Variants in AIRE observed in about 807,000 individuals in gnomAD.
AIRE encodes the protein autoimmune regulator, also known as autoimmune polyendocrinopathy candidiasis ectodermal dystrophy protein.
Under a neutral mutation model 62.1 loss-of-function variants are expected in AIRE, and 52 were observed. That is an observed-to-expected ratio of 0.84 (90% CI 0.67 to 1.06). AIRE has a LOEUF of 1.06. Ranked by LOEUF, AIRE falls within the 50% of genes least tolerant of loss-of-function variation. AIRE has a pLI of 0.00. For synonymous variants in AIRE, 342 were observed against 321.6 expected (o/e 1.06, Z -0.68); for missense variants, 774 against 755.8 (o/e 1.02, Z -0.28).
At chr21:44,288,318 G>GAC (rs763047196) in intron 4 of AIRE, 27 bp from the exon 5 acceptor site, 7 of 1,519,984 alleles carry the variant, frequency 4.6e-6, no homozygotes, top group Non-Finnish European at 5.5e-6. Flanking sequence ...CCCCACGGGT[G>GAC]ACCCCAATGG....
intron 7 of AIRE, chr21:44,290,674 C>T: frequency 8.0e-7 from 1 of 1,247,526 alleles, no homozygotes; most frequent in South Asian, 1.3e-5. Context: ...CCTGGGAGAC[C>T]CCTGAAGGCA....
Position 44,293,123 on chromosome 21 carries a change from T to A in AIRE, c.1226T>A (p.Leu409Gln). The A allele has an allele frequency of 6.3e-7, 1 of 1,599,470 alleles. No individual in the cohort carries two copies. The highest frequency in any genetic ancestry group is 8.5e-7 in the Non-Finnish European group (1 of 1,173,882). The change falls in exon 10 of 14, where the codon CTG (leucine) becomes CAG (glutamine). Residue 409 changes from leucine (L) to glutamine (Q), a missense_variant. By Grantham distance (113) the Leu-to-Gln change is moderately radical. Around this residue, in one of 3 missense-constraint regions of AIRE, gnomAD observed 354 missense variants for 296.1 expected, o/e 1.20. Transcript: ENST00000291582. ...APPSAAPLPG[L>Q]DSSALHPLLC... ...CCTTCTGCAGCCCCGCTGCCAGGGC[T>A]GGACTCCTCGGCCCTGCACCCCCTA...
intron 8 of AIRE, among the ~76,000 whole-genome samples, 183 bp from the exon 9 acceptor site, chr21:44,292,119 C>A (rs1016555027): frequency 2.0e-5 from 3 of 152,188 alleles, no homozygotes; most frequent in Non-Finnish European, 4.4e-5. Context: ...GGCCACCCCA[C>A]GAAGGGTAAA....
In AIRE at chr21:44,286,120, C is replaced by A. The variant is rs1192858868; in HGVS notation, c.114C>A (p.Val38=). The A allele has an allele frequency of 1.2e-5, 18 of 1,547,124 alleles. No individual in the cohort carries two copies. The East Asian group carries it at 4.2e-4, about 36-fold the overall frequency. ...LLHALADHDV[V]PEDKFQETLH... ...ACGCGCTGGCTGACCACGACGTGGT[C>A]CCCGAGGACAAGTTTCAGGTGGGCT... is the stretch of plus-strand genomic sequence containing the variant. The change falls in exon 1 of 14, where the codon GTC becomes GTA. Residue 38 remains valine (V), a synonymous_variant. Coordinates refer to ENST00000291582, the MANE Select transcript of AIRE (RefSeq NM_000383.4). This position sits in a 1 kb window ranked among gnomAD's most constrained non-coding sequence, Gnocchi z 6.0.
At position 44,286,140 on chromosome 21, in the gene AIRE, TG is replaced by T. The variant is rs1363113245; in HGVS notation, c.132+5del. On this transcript the variant is annotated splice_donor_region_variant and intron_variant, in intron 1 of 13. Transcript: ENST00000291582. The surrounding 1 kb of genome is among the most constrained non-coding windows in gnomAD (Gnocchi z 6.0). ...GTGGTCCCCGAGGACAAGTTTCAGG[TG>T]GGCTCCCCGCCCGCCCCCCGCTGCC... 1.3e-6 allele frequency: 2 copies of T among 1,546,568 alleles called. No individual in the cohort carries two copies. Among genetic ancestry groups the T allele is most frequent in the Non-Finnish European group, 1.7e-6 (2 of 1,146,408 alleles).
chr21:44,290,664 C>A (rs979905110), intron 7 of AIRE: 18 of 1,197,078 alleles, frequency 1.5e-5, no homozygotes, highest in Non-Finnish European at 1.8e-5. Flanking sequence ...GGAAGTGGTA[C>A]CTGGGAGACC....
At chr21:44,290,521 A>G (rs1364677757) in intron 7 of AIRE, 3 of 892,584 alleles carry the variant, frequency 3.4e-6, no homozygotes, top group Non-Finnish European at 4.0e-6. Context: ...GGGCCCTGGC[A>G]CTTAGCAGTG....
rs200955183 is a variant in AIRE at position 44,286,593 on chromosome 21, C to G, written c.169C>G (p.Gln57Glu). 4.3e-5 allele frequency: 70 copies of G among 1,612,802 alleles called. No individual in the cohort carries two copies. The African/African-American group carries it at 7.5e-4, about 17-fold the overall frequency. Residue 57 changes from glutamine to glutamate, a missense_variant, in exon 2 of 14, where the codon CAG becomes GAG. By Grantham distance (29) the Gln-to-Glu change is conservative. Around this residue, in one of 3 missense-constraint regions of AIRE, gnomAD observed 385 missense variants for 396.0 expected, o/e 0.97. Transcript: ENST00000291582. This position sits in a 1 kb window ranked among gnomAD's most constrained non-coding sequence, Gnocchi z 6.0. ...LHLKEKEGCP[Q>E]AFHALLSWLL... Reference sequence around the variant, plus strand: ...TCTGAAGGAAAAGGAGGGCTGCCCCCAGGCCTTCCACGCCCTCCTGTCCTG... The same window carrying G: ...TCTGAAGGAAAAGGAGGGCTGCCCCGAGGCCTTCCACGCCCTCCTGTCCTG...
rs887262491 is a variant in AIRE at position 44,286,221 on chromosome 21, C to T, written c.132+83C>T. ...CGGGGAAGTTCCAGGAGGACCCCGCCCCTCCAGATCCCCAAGCCCCTCCAG... is the reference window on the plus strand; with the variant it reads ...CGGGGAAGTTCCAGGAGGACCCCGCTCCTCCAGATCCCCAAGCCCCTCCAG... On this transcript the variant is annotated intron_variant, in intron 1 of 13. Coordinates refer to ENST00000291582, the MANE Select transcript of AIRE (RefSeq NM_000383.4). This position sits in a 1 kb window ranked among gnomAD's most constrained non-coding sequence, Gnocchi z 6.0. The T allele has an allele frequency of 3.6e-6, 5 of 1,393,948 alleles. No homozygotes were observed. The highest frequency in any genetic ancestry group is 1.4e-5 in the African/African-American group (1 of 69,038). 86.3% of individuals were successfully genotyped at this position (1,393,948 alleles called of 1,614,324 possible).
rs1451148364 is a variant in AIRE, at chr21:44,298,305, C to A, written c.*578C>A. Reference sequence around the variant, plus strand: ...GAAACACTCACTCCCCATTCCCCTCCCAACCCCTGGCACCCTCCACTCTAC... The same window carrying A: ...GAAACACTCACTCCCCATTCCCCTCACAACCCCTGGCACCCTCCACTCTAC... On this transcript the variant is annotated 3_prime_UTR_variant, in exon 14 of 14. Coordinates refer to ENST00000291582, the MANE Select transcript of AIRE (RefSeq NM_000383.4). 5.7e-6 allele frequency: 1 copy of A among 175,920 alleles called. No individual in the cohort carries two copies. The highest frequency in any genetic ancestry group is 1.6e-4 in the East Asian group (1 of 6,368). 10.9% of individuals were successfully genotyped at this position (175,920 alleles called of 1,614,324 possible).
chr21:44,290,642 G>A, intron 7 of AIRE: 1 of 1,100,676 alleles, frequency 9.1e-7, no homozygotes, highest in Non-Finnish European at 1.2e-6. Context: ...GGCTGTCTGG[G>A]GGGATTCTGG....
chr21:44,290,494 G>A lies in AIRE; in HGVS notation c.879+426G>A, dbSNP rs549719238. ...GTGGGTTACAGATCTTGACCACTTG[G>A]CACCAGGGGCTCTGTGGGGCCCTGG... On this transcript the variant is annotated intron_variant, in intron 7 of 13. Transcript: ENST00000291582. 8 of 957,048 alleles carry A rather than the reference G, an allele frequency of 8.4e-6. No individual in the cohort carries two copies. The South Asian group carries it at 3.9e-4, about 46-fold the overall frequency. 59.3% of individuals were successfully genotyped at this position (957,048 alleles called of 1,614,324 possible).
intron 9 of AIRE, 106 bp from the exon 10 acceptor site, chr21:44,292,887 G>C: frequency 9.7e-7 from 1 of 1,036,020 alleles, no homozygotes; most frequent in Non-Finnish European, 1.5e-6. Flanking sequence ...CCAGGCCTCT[G>C]CCCCCACCCT....
In AIRE at chr21:44,286,027, A is replaced by G. The variant is rs1347611962; in HGVS notation, c.21A>G (p.Leu7=). The part of the protein sequence containing the change: MATDAA[L]RRLLRLHRTE... The stretch of plus-strand genomic sequence containing the variant: ...ACCCCATGGCGACGGACGCGGCGCT[A>G]CGCCGGCTTCTGAGGCTGCACCGCA... Residue 7 remains leucine (L), a synonymous_variant, in exon 1 of 14, where the codon CTA becomes CTG. Coordinates refer to ENST00000291582, the MANE Select transcript of AIRE (RefSeq NM_000383.4). The surrounding 1 kb of genome is among the most constrained non-coding windows in gnomAD (Gnocchi z 6.0). 2.0e-6 allele frequency: 3 copies of G among 1,534,504 alleles called. No individual in the cohort carries two copies. The highest frequency in any genetic ancestry group is 3.9e-5 in the Admixed American group (2 of 50,856).
At position 44,293,910 on chromosome 21, in the gene AIRE, G is replaced by C; in HGVS notation, c.1400G>C (p.Gly467Ala). 6.3e-7 allele frequency: 1 copy of C among 1,596,504 alleles called. No individual in the cohort carries two copies. Among genetic ancestry groups the C allele is most frequent in the Non-Finnish European group, 8.5e-7 (1 of 1,179,448 alleles). ...TTCCCAGCCGGCACCTCCCGGCCCG[G>C]GTGAGTGAGCGTGGTCGGCGGGGAG... The part of the protein sequence containing the change: ...CHFPAGTSRP[G>A]TGLRCRSCSG... Residue 467 changes from glycine to alanine, a missense_variant and splice_region_variant, in exon 11 of 14, where the codon GGG becomes GCG. Physicochemically the swap from Gly to Ala is moderately conservative, Grantham distance 60. Transcript: ENST00000291582.
chr21:44,295,938 A>G (rs1002404888), intron 12 of AIRE, among the ~76,000 whole-genome samples: 5 of 151,862 alleles, frequency 3.3e-5, no homozygotes, highest in Admixed American at 2.6e-4. Context: ...TCAATGTAAT[A>G]TGGTCTCCTC....
chr21:44,290,425 G>C, intron 7 of AIRE: 1 of 985,356 alleles, frequency 1.0e-6, no homozygotes, highest in Non-Finnish European at 1.2e-6. Context: ...TCCCCAGCAT[G>C]GTTTCTTAAT....
In AIRE at chr21:44,290,017, G is replaced by T; in HGVS notation, c.828G>T (p.Gln276His). 6.2e-7 allele frequency: 1 copy of T among 1,611,116 alleles called. No homozygotes were observed. The highest frequency in any genetic ancestry group is 8.5e-7 in the Non-Finnish European group (1 of 1,179,468). The change falls in exon 7 of 14, where the codon CAG becomes CAT. Residue 276 changes from glutamine (Q) to histidine (H), a missense_variant. By Grantham distance (24) the Gln-to-His change is conservative. Coordinates refer to ENST00000291582, the MANE Select transcript of AIRE (RefSeq NM_000383.4). ...PGGGEARLGQ[Q>H]GSVPAPLALP... ...GAGGTGAGGCTAGGCTGGGCCAGCAGGGCAGCGTTCCCGCCCCTCTGGCCC... is the reference window on the plus strand; with the variant it reads ...GAGGTGAGGCTAGGCTGGGCCAGCATGGCAGCGTTCCCGCCCCTCTGGCCC...
At chr21:44,296,488 C>A (rs559907229) in intron 13 of AIRE, 43 bp downstream of exon 13, 9 of 1,572,124 alleles carry the variant, frequency 5.7e-6, no homozygotes, top group Non-Finnish European at 7.0e-6. Flanking sequence ...CACTCCCCCT[C>A]CCCTGCCTCA....
Sources: gnomAD v4.1 joint callset for allele counts (sites outside exome capture counted in the v4.1 genomes callset) on GRCh38, gnomAD v4.1.1 for gene constraint, gnomAD v4.1.1 regional missense constraint, Gnocchi (gnomAD v3.1) non-coding constraint, MANE v1.5 for transcripts, NCBI Gene and HGNC (gene_info 2026-07-23, HGNC 2026-07-21) for gene names.